The following POLR1E variants were observed in gnomAD, a reference collection of about 807,000 sequenced individuals.
POLR1E encodes DNA-directed RNA polymerase I subunit RPA49.
A neutral mutation model predicts 50.9 loss-of-function variants in POLR1E; 37 were observed. The ratio of observed to expected loss-of-function variants is 0.73; its 90% CI spans 0.56 to 0.96. The LOEUF (loss-of-function observed/expected upper bound fraction) is 0.96, where lower values mean the gene tolerates loss of function less well. POLR1E is among the 40% of genes least tolerant of loss of function. The pLI is 0.00. For synonymous variants in POLR1E, 166 were observed against 191.6 expected (o/e 0.87, Z 1.10); for missense variants, 426 against 518.1 (o/e 0.82, Z 1.73).
chr9:37,486,859 T>G, intron 2 of POLR1E, 53 bp downstream of exon 2: 1 of 1,551,788 alleles, frequency 6.4e-7, no homozygotes, highest in East Asian at 2.2e-5. Flanking sequence ...AGAAGGCCCC[T>G]GGGAGTGGGT....
At chr9:37,498,517 G>A (rs570335034) in intron 9 of POLR1E, among the ~76,000 whole-genome samples, 1 of 152,346 alleles carries the variant, frequency 6.6e-6, no homozygotes, top group South Asian at 2.1e-4. Flanking sequence ...AGGCAAAGTA[G>A]AATATCCAGG....
rs767876830 is a variant in POLR1E, at chr9:37,490,599, C to T, written c.343+1199C>T. The T allele has an allele frequency of 8.3e-5, 60 of 719,820 alleles. 1 individual carries two copies. The highest frequency in any genetic ancestry group is 7.0e-4 in the East Asian group (26 of 37,182). The allele number at this position is 719,820 out of a possible 1,614,324, so 44.6% of individuals were successfully genotyped here. A position where few individuals can be genotyped will look rare whatever the true frequency, so the allele number is the denominator to read the frequency against. Reference sequence around the variant, plus strand: ...CTTCACCCGTTTCATGAAGCTTTCTCGGCTCTTAGAGTGCTTAATGTGCTC... The same window carrying T: ...CTTCACCCGTTTCATGAAGCTTTCTTGGCTCTTAGAGTGCTTAATGTGCTC... On this transcript the variant is annotated intron_variant, in intron 4 of 11. Transcript: ENST00000377798.
chr9:37,500,363 T>G (rs929347638), intron 9 of POLR1E, among the ~76,000 whole-genome samples: 2 of 151,952 alleles, frequency 1.3e-5, no homozygotes, highest in Admixed American at 6.6e-5. Flanking sequence ...TTTTGTGTTT[T>G]TAGTAGAGAT....
At chr9:37,488,496 A>G (rs1820618254) in intron 3 of POLR1E, among the ~76,000 whole-genome samples, 1 of 151,966 alleles carries the variant, frequency 6.6e-6, no homozygotes, top group Non-Finnish European at 1.5e-5. Context: ...ACAATGAACT[A>G]CAAACTAGGC....
rs758328587 is a variant in POLR1E at position 37,486,657 on chromosome 9, G to T, written c.77-46G>T. 1.9e-6 allele frequency: 3 copies of T among 1,614,206 alleles called. No individual in the cohort carries two copies. The South Asian group carries it at 3.3e-5, about 18-fold the overall frequency. ...CCCACCGTACATTGTGTGGTACATT[G>T]TGTGGCCTTCTGCTCTCATCTCATT... On this transcript the variant is annotated intron_variant, in intron 1 of 11. Transcript: ENST00000377798.
chr9:37,496,623 CT>C lies in POLR1E; in HGVS notation c.752+656del, dbSNP rs376455174. ...TGCCTTGGAATTATTATTATTATTT[CT>C]TTTTTTTTTTTTTTTTTTGCTTCAA... On this transcript the variant is annotated intron_variant, in intron 8 of 11. Transcript: ENST00000377798. Among the ~76,000 whole-genome samples the C allele has an allele frequency of 3.5e-3, 395 of 112,464 alleles. 2 individuals are homozygous for C. Among genetic ancestry groups the C allele is most frequent in the African/African-American group, 4.6e-3 (136 of 29,262 alleles). 73.8% of individuals were successfully genotyped at this position (112,464 alleles called of 152,430 possible). A position where few individuals can be genotyped will look rare whatever the true frequency, so the allele number is the denominator to read the frequency against.
intron 1 of POLR1E, chr9:37,486,496 G>GC (rs1179601190): frequency 1.3e-6 from 2 of 1,553,262 alleles, no homozygotes; most frequent in South Asian, 2.4e-5. Context: ...TCCTGTCACA[G>GC]CCCCTCCCCA....
chr9:37,501,893 ATT>A, intron 11 of POLR1E, 49 bp downstream of exon 11: 1 of 1,571,328 alleles, frequency 6.4e-7, no homozygotes, highest in East Asian at 2.2e-5. Context: ...TCGATGTCTT[ATT>A]TCTGGTACCA....
At position 37,495,864 on chromosome 9, in the gene POLR1E, G is replaced by A. The variant is rs1159839427; in HGVS notation, c.656-26G>A. The A allele has an allele frequency of 1.9e-6, 3 of 1,539,522 alleles. No homozygotes were observed. In the African/African-American group the frequency reaches 4.1e-5, roughly 21 times the overall value. ...CTAGTTGGATGTTTCTATTTTGGTT[G>A]GATTATATTCTTGACCTGTAACTAG... On this transcript the variant is annotated intron_variant, in intron 7 of 11. Transcript: ENST00000377798.
chr9:37,501,751 TTACTGCA>T lies in POLR1E; in HGVS notation c.1010_1016del (p.Thr337MetfsTer2). On this transcript the variant is annotated frameshift_variant, in exon 11 of 12. Coordinates refer to ENST00000377798, the MANE Select transcript of POLR1E (RefSeq NM_022490.4). LOFTEE classifies it high-confidence loss of function. ...ATTTCGGATTCTATGAAGGCGAAGATTACTGCATATGTGATCATACTTGCCTTGCACA... is the reference window on the plus strand; with the variant it reads ...ATTTCGGATTCTATGAAGGCGAAGATTATGTGATCATACTTGCCTTGCACA... 6.2e-7 allele frequency: 1 copy of T among 1,613,822 alleles called. No individual in the cohort carries two copies. The highest frequency in any genetic ancestry group is 8.5e-7 in the Non-Finnish European group (1 of 1,179,932).
chr9:37,486,423 C>T (rs900517860), intron 1 of POLR1E: 25 of 1,534,144 alleles, frequency 1.6e-5, no homozygotes, highest in Non-Finnish European at 2.0e-5. Flanking sequence ...GGCAGGGGTT[C>T]CTTCTGTCAC....
chr9:37,496,357 T>G (rs1441512886), intron 8 of POLR1E, among the ~76,000 whole-genome samples: 1 of 152,184 alleles, frequency 6.6e-6, no homozygotes, highest in Non-Finnish European at 1.5e-5. Context: ...TCTGTGATGA[T>G]ATGGTAGGCA....
chr9:37,489,341 C>A lies in POLR1E; in HGVS notation c.284C>A (p.Thr95Asn), dbSNP rs751778157. 23 of 1,601,108 alleles carry A rather than the reference C, an allele frequency of 1.4e-5. No homozygotes were observed. Among genetic ancestry groups the A allele is most frequent in the South Asian group, 1.1e-4 (10 of 87,078 alleles). ...CACTTTGTGGGAATTTTGAACAAGA[C>A]CTCTGGCCAAATGGAAGTATATGAT... ...CRHFVGILNK[T>N]SGQMEVYDAE... Residue 95 changes from threonine (T) to asparagine (N), a missense_variant, in exon 4 of 12, where the codon ACC becomes AAC. Transcript: ENST00000377798.
chr9:37,486,421 T>C, intron 1 of POLR1E: 2 of 1,529,486 alleles, frequency 1.3e-6, no homozygotes, highest in Non-Finnish European at 8.8e-7. Context: ...TGGGCAGGGG[T>C]TCCTTCTGTC....
At chr9:37,495,834 C>T (rs1820775005) in intron 7 of POLR1E, 56 bp from the exon 8 acceptor site, 3 of 1,270,904 alleles carry the variant, frequency 2.4e-6, no homozygotes, top group African/African-American at 1.5e-5. Flanking sequence ...TATGAGATGA[C>T]CTAGCTAGTT....
In POLR1E at chr9:37,498,186, T is replaced by C; in HGVS notation, c.848T>C (p.Leu283Pro). ...CGATGCATATGGTTTCTGGATACCC[T>C]CATCAAATTTCGAGCTCATAGGGTA... ...QARCIWFLDT[L>P]IKFRAHRVVK... The change falls in exon 9 of 12, where the codon CTC becomes CCC. Residue 283 changes from leucine to proline, a missense_variant. Leu to Pro is a moderately conservative substitution (Grantham distance 98). Transcript: ENST00000377798. 4.3e-6 allele frequency: 7 copies of C among 1,614,018 alleles called. No homozygotes were observed. Among genetic ancestry groups the C allele is most frequent in the Non-Finnish European group, 5.9e-6 (7 of 1,179,914 alleles).
intron 10 of POLR1E, among the ~76,000 whole-genome samples, chr9:37,501,418 C>G (rs2296776): frequency 2.0e-5 from 3 of 152,088 alleles, no homozygotes. Flanking sequence ...GCTGGGCAGG[C>G]GGGGACAGAC....
Position 37,489,348 on chromosome 9 carries a change from C to A in POLR1E, c.291C>A (p.Gly97=). 2.5e-6 allele frequency: 4 copies of A among 1,602,206 alleles called. No homozygotes were observed. The highest frequency in any genetic ancestry group is 3.4e-6 in the Non-Finnish European group (4 of 1,177,154). Residue 97 remains glycine, a synonymous_variant, in exon 4 of 12, where the codon GGC becomes GGA. Coordinates refer to ENST00000377798, the MANE Select transcript of POLR1E (RefSeq NM_022490.4). ...TGGGAATTTTGAACAAGACCTCTGG[C>A]CAAATGGAAGTATATGATGCTGAAT... is the stretch of plus-strand genomic sequence containing the variant. The part of the protein sequence containing the change: ...HFVGILNKTS[G]QMEVYDAELF...
At chr9:37,502,418 C>T (rs551568340) in intron 11 of POLR1E, among the ~76,000 whole-genome samples, 3 of 152,336 alleles carry the variant, frequency 2.0e-5, no homozygotes, top group African/African-American at 2.4e-5. Context: ...TTCTCTGACC[C>T]AACTGGGAGA....
Sources: gnomAD v4.1 joint callset for allele counts (sites outside exome capture counted in the v4.1 genomes callset) on GRCh38, gnomAD v4.1.1 for gene constraint, MANE v1.5 for transcripts, NCBI Gene and HGNC (gene_info 2026-07-23, HGNC 2026-07-21) for gene names.